The following MAP3K2 variants were observed in gnomAD, a reference collection of about 807,000 sequenced individuals.
MAP3K2 encodes the protein MAP/ERK kinase kinase 2.
In MAP3K2, 24 loss-of-function variants were observed where a neutral mutation model predicts 80.3. That is an observed-to-expected ratio of 0.30 (90% CI 0.22 to 0.42). The LOEUF is 0.42. Among genes scored for constraint, MAP3K2 ranks in the 10% least tolerant of loss-of-function variants. The pLI is 1.00. For synonymous variants in MAP3K2, 244 were observed against 253.7 expected, an observed-to-expected ratio of 0.96 and a Z score of 0.36; for missense variants, 608 against 750.1, an observed-to-expected ratio of 0.81 and a Z score of 2.21.
rs200531096 is a variant in MAP3K2 at position 127,326,727 on chromosome 2, A to T, written c.557T>A (p.Ile186Asn). Reference sequence around the variant, plus strand: ...TGGAATGAACTCTCCTTCACTGTTGATACTAGTGAATGACCCATTCCGGGC... The same window carrying T: ...TGGAATGAACTCTCCTTCACTGTTGTTACTAGTGAATGACCCATTCCGGGC... ...QVARNGSFTS[I>N]NSEGEFIPES... The change falls in exon 8 of 17, where the codon ATC (isoleucine) becomes AAC (asparagine). Residue 186 changes from isoleucine to asparagine, a missense_variant. Physicochemically the swap from Ile to Asn is moderately radical, Grantham distance 149. Around this residue, in one of 4 missense-constraint regions of MAP3K2, gnomAD observed 467 missense variants for 521.9 expected, o/e 0.89. Coordinates refer to ENST00000682094, the MANE Select transcript of MAP3K2 (RefSeq NM_001371910.2). The T allele has an allele frequency of 5.7e-4, 911 of 1,606,428 alleles. 2 individuals carry two copies. The highest frequency in any genetic ancestry group is 5.8e-4 in the Non-Finnish European group (685 of 1,176,300).
chr2:127,371,330 G>C (rs116074154), intron 1 of MAP3K2, among the ~76,000 whole-genome samples: 67 of 152,304 alleles, frequency 4.4e-4, no homozygotes, highest in African/African-American at 1.4e-3. Context: ...TCCCCATGCC[G>C]ATGTACAACA....
intron 6 of MAP3K2, 22 bp downstream of exon 6, chr2:127,330,369 GA>G (rs1361750367): frequency 4.8e-6 from 6 of 1,260,944 alleles, no homozygotes; most frequent in Admixed American, 4.4e-5. Context: ...AATTCTTACT[GA>G]AAAAAATATC....
At chr2:127,357,065 C>A (rs1266717488) in intron 1 of MAP3K2, among the ~76,000 whole-genome samples, 4 of 152,100 alleles carry the variant, frequency 2.6e-5, no homozygotes, top group African/African-American at 9.7e-5. Context: ...AAAACATGGG[C>A]AAAGGACATG....
Position 127,299,913 on chromosome 2 carries a change from T to G in MAP3K2, c.*7666A>C, listed in dbSNP as rs972673383. 1.3e-5 allele frequency: 2 copies of G among 151,942 alleles called. No individual in the cohort carries two copies. Among genetic ancestry groups the G allele is most frequent in the Non-Finnish European group, 2.9e-5 (2 of 67,938 alleles). The allele number at this position is 151,942 out of a possible 1,614,324, so 9.4% of individuals were successfully genotyped here. ...GTAGAAATGAAATGAAAATAAGAAC[T>G]TACTGGGATATATACATGTGCCTAC... On this transcript the variant is annotated 3_prime_UTR_variant, in exon 17 of 17. Coordinates refer to ENST00000682094, the MANE Select transcript of MAP3K2 (RefSeq NM_001371910.2).
Position 127,314,778 on chromosome 2 carries a change from T to C in MAP3K2, c.1432A>G (p.Met478Val), listed in dbSNP as rs960546890. 18 of 1,609,850 alleles carry C rather than the reference T, an allele frequency of 1.1e-5. No individual in the cohort carries two copies. Among genetic ancestry groups the C allele is most frequent in the Non-Finnish European group, 1.5e-5 (18 of 1,176,410 alleles). The change falls in exon 15 of 17, where the codon ATG becomes GTG. Residue 478 changes from methionine (M) to valine (V), a missense_variant. By Grantham distance (21) the Met-to-Val change is conservative. This residue lies in a region of MAP3K2 where 88 missense variants were observed against 132.4 expected (regional missense o/e 0.66). Transcript: ENST00000682094. The part of the protein sequence containing the change: ...LEGVHYLHSN[M>V]IVHRDIKGAN... ...CCTTTGATATCTCTATGGACAATCA[T>C]ATTACTGTGCAAATAATGGACACCC...
chr2:127,351,180 T>C (rs1314816167), intron 1 of MAP3K2, among the ~76,000 whole-genome samples: 2 of 152,098 alleles, frequency 1.3e-5, no homozygotes, highest in Non-Finnish European at 2.9e-5. Flanking sequence ...AAAATGAGCA[T>C]TATTGGGACT....
chr2:127,384,133 G>A (rs1485984346), intron 1 of MAP3K2, among the ~76,000 whole-genome samples: 1 of 151,170 alleles, frequency 6.6e-6, no homozygotes, highest in Non-Finnish European at 1.5e-5. Flanking sequence ...CTGACCTCGT[G>A]ATCTGCCCGC....
At chr2:127,345,113 C>T (rs916312999) in intron 1 of MAP3K2, among the ~76,000 whole-genome samples, 11 of 152,190 alleles carry the variant, frequency 7.2e-5, no homozygotes, top group African/African-American at 2.7e-4. Flanking sequence ...TTTGGCCTCC[C>T]TAAGTGCTGG....
rs1203343833 is a variant in MAP3K2 at position 127,304,687 on chromosome 2, TAGAA to T, written c.*2888_*2891del. ...TGCATTTGTTGATCCATATCATTAT[TAGAA>T]AGAAGAAAAAAACGGAGTGTTATAT... On this transcript the variant is annotated 3_prime_UTR_variant, in exon 17 of 17. Transcript: ENST00000682094. The T allele has an allele frequency of 1.3e-5, 2 of 152,578 alleles. No homozygotes were observed. Among genetic ancestry groups the T allele is most frequent in the South Asian group, 4.1e-4 (2 of 4,836 alleles). The allele number at this position is 152,578 out of a possible 1,614,324, so 9.5% of individuals were successfully genotyped here. A position where few individuals can be genotyped will look rare whatever the true frequency, so the allele number is the denominator to read the frequency against.
chr2:127,365,116 CAAAAAAAAAAAAAAAAAAAAAAAA>C (rs10558890), intron 1 of MAP3K2, among the ~76,000 whole-genome samples: 7 of 31,640 alleles, frequency 2.2e-4, no homozygotes, highest in Admixed American at 4.7e-4. Flanking sequence ...GACTCTGCCT[CAAAAAAAAAAAAAAAAAAAAAAAA>C]AAAAAAAAAA....
intron 1 of MAP3K2, among the ~76,000 whole-genome samples, chr2:127,350,454 CAAAAAAAAA>C (rs752516255): frequency 1.0e-5 from 1 of 99,426 alleles, no homozygotes; most frequent in African/African-American, 3.9e-5. Flanking sequence ...AAAACAAAAA[CAAAAAAAAA>C]AAAAAAAAGA....
At chr2:127,366,361 A>C (rs1686971171) in intron 1 of MAP3K2, among the ~76,000 whole-genome samples, 1 of 151,524 alleles carries the variant, frequency 6.6e-6, no homozygotes, top group Admixed American at 6.6e-5. Context: ...CAGCCTGGGC[A>C]ACATACAAAA....
chr2:127,376,190 C>A lies in MAP3K2; in HGVS notation c.-66+11262G>T, dbSNP rs566240328. On this transcript the variant is annotated intron_variant, in intron 1 of 16. Transcript: ENST00000682094. ...AGATTTGGCTGAAGGCAGCCAGATT[C>A]TCTTATCCGGTGCCTGACAGTTTAG... Among the ~76,000 whole-genome samples, 4 of 152,240 alleles carry A rather than the reference C, an allele frequency of 2.6e-5. No homozygotes were observed. In the South Asian group the frequency reaches 6.2e-4, roughly 24 times the overall value.
intron 1 of MAP3K2, among the ~76,000 whole-genome samples, chr2:127,377,784 G>A (rs1687175933): frequency 6.6e-6 from 1 of 152,154 alleles, no homozygotes; most frequent in Non-Finnish European, 1.5e-5. Flanking sequence ...TTATAAAACA[G>A]GAAGAGAAAG....
chr2:127,356,405 T>C (rs1006006443), intron 1 of MAP3K2, among the ~76,000 whole-genome samples: 3 of 151,538 alleles, frequency 2.0e-5, no homozygotes, highest in African/African-American at 7.3e-5. Context: ...CTACTAAGTG[T>C]GCAATGGCAT....
upstream of MAP3K2, chr2:127,388,086 C>T (rs1011364371): frequency 2.0e-6 from 2 of 983,990 alleles, no homozygotes; most frequent in African/African-American, 1.8e-5. Flanking sequence ...GGGAGTGGGT[C>T]GGCGCCTGCG....
Position 127,371,546 on chromosome 2 carries a change from T to C in MAP3K2, c.-66+15906A>G, listed in dbSNP as rs78677894. 8.7e-3 allele frequency among the ~76,000 whole-genome samples: 1,329 copies of C among 152,278 alleles called. 20 individuals are homozygous for C. Among genetic ancestry groups the C allele is most frequent in the African/African-American group, 0.03 (1,234 of 41,554 alleles). ...ACCCAGGACTGATATCTTGTTACAA[T>C]TGGCTTATAAAAACGCTAATGTGGA... On this transcript the variant is annotated intron_variant, in intron 1 of 16. Transcript: ENST00000682094.
intron 1 of MAP3K2, among the ~76,000 whole-genome samples, chr2:127,372,287 C>T (rs1389990507): frequency 6.6e-6 from 1 of 152,066 alleles, no homozygotes; most frequent in Non-Finnish European, 1.5e-5. Context: ...ACTGCTTTTA[C>T]CATACTGGGT....
At chr2:127,344,424 A>T (rs1686557842) in intron 1 of MAP3K2, among the ~76,000 whole-genome samples, 1 of 150,550 alleles carries the variant, frequency 6.6e-6, no homozygotes, top group African/African-American at 2.4e-5. Flanking sequence ...CCAAGGTGGG[A>T]GGATCACGTG....
Sources: gnomAD v4.1 joint callset for allele counts (sites outside exome capture counted in the v4.1 genomes callset) on GRCh38, gnomAD v4.1.1 for gene constraint, gnomAD v4.1.1 regional missense constraint, MANE v1.5 for transcripts, NCBI Gene and HGNC (gene_info 2026-07-23, HGNC 2026-07-21) for gene names.